SRGAP3: variants seen among roughly 807,000 people sequenced by gnomAD.
SRGAP3 encodes the protein SLIT-ROBO Rho GTPase-activating protein 3.
SRGAP3 carries 39 observed loss-of-function variants against 121.1 expected under a neutral mutation model. That is an observed-to-expected ratio of 0.32 (90% CI 0.25 to 0.42). The LOEUF is 0.42. Ranked by LOEUF, SRGAP3 falls within the 10% of genes least tolerant of loss-of-function variation. The probability of loss-of-function intolerance (pLI) is 1.00; values close to 1 mark genes in which losing one functional copy is unlikely to be tolerated. For missense variants in SRGAP3, 1,213 were observed against 1,470.6 expected (o/e 0.82, Z 2.86); for synonymous variants, 601 against 570.0 (o/e 1.05, Z -0.77).
At chr3:9,069,986 T>C (rs1433310723) in intron 4 of SRGAP3, among the ~76,000 whole-genome samples, 7 of 151,706 alleles carry the variant, frequency 4.6e-5, no homozygotes, top group African/African-American at 1.5e-4. Flanking sequence ...ATAGCAAGAG[T>C]GCTGTCCAAT....
intron 1 of SRGAP3, among the ~76,000 whole-genome samples, chr3:9,167,081 C>T (rs559494844): frequency 6.6e-6 from 1 of 152,278 alleles, no homozygotes; most frequent in South Asian, 2.1e-4. Context: ...CTTCTGCGAA[C>T]CAGCAGCCTT....
rs142364307 is a variant in SRGAP3, at chr3:9,222,073, C to T, written c.67+26812G>A. 3.4e-3 allele frequency among the ~76,000 whole-genome samples: 514 copies of T among 152,328 alleles called. 4 individuals carry two copies. The highest frequency in any genetic ancestry group is 5.5e-3 in the Non-Finnish European group (373 of 68,024). Reference sequence around the variant, plus strand: ...CTTGTCAATCCCATCCCACTGGCCACAGTGACTGGTTCAGGAATGGCCTAG... The same window carrying T: ...CTTGTCAATCCCATCCCACTGGCCATAGTGACTGGTTCAGGAATGGCCTAG... On this transcript the variant is annotated intron_variant, in intron 1 of 21. Coordinates refer to ENST00000383836, the MANE Select transcript of SRGAP3 (RefSeq NM_014850.4).
At chr3:9,291,079 T>C (rs1026388334) in intron 3 of SRGAP3, among the ~76,000 whole-genome samples, 2 of 152,026 alleles carry the variant, frequency 1.3e-5, no homozygotes, top group Admixed American at 1.3e-4. Flanking sequence ...ATAAATAAAA[T>C]ATTAAGAGGA....
chr3:9,088,459 G>A (rs1947593627), intron 3 of SRGAP3, among the ~76,000 whole-genome samples: 1 of 152,160 alleles, frequency 6.6e-6, no homozygotes, highest in African/African-American at 2.4e-5. Context: ...TGTAGCTAAA[G>A]CCAGTTCAGC....
intron 18 of SRGAP3, among the ~76,000 whole-genome samples, chr3:9,008,620 A>C (rs1450683251): frequency 6.6e-6 from 1 of 152,190 alleles, no homozygotes; most frequent in Non-Finnish European, 1.5e-5. Context: ...AGAGAAAAGC[A>C]AATCACCAGG....
intron 10 of SRGAP3, among the ~76,000 whole-genome samples, chr3:9,044,200 C>T (rs1484301303): frequency 1.3e-5 from 2 of 152,182 alleles, no homozygotes; most frequent in Admixed American, 6.5e-5. Context: ...CTTGAGCCAT[C>T]CTGTCAAAAG....
chr3:9,041,128 C>T (rs1944992860), intron 10 of SRGAP3, among the ~76,000 whole-genome samples: 1 of 152,250 alleles, frequency 6.6e-6, no homozygotes, highest in African/African-American at 2.4e-5. Context: ...CACAATTGTA[C>T]ACAGGGTGTC....
intron 1 of SRGAP3, among the ~76,000 whole-genome samples, chr3:9,227,205 C>G (rs78571602): frequency 0.01 from 1,557 of 152,196 alleles, 28 homozygotes; most frequent in African/African-American, 0.036. Flanking sequence ...TTTTTTAACT[C>G]TCTTCATTTT....
intron 18 of SRGAP3, among the ~76,000 whole-genome samples, chr3:8,998,181 C>T (rs1013520722): frequency 2.0e-5 from 3 of 152,160 alleles, no homozygotes; most frequent in Non-Finnish European, 4.4e-5. Context: ...GAGCCACCAC[C>T]CCCAGCTACA....
At chr3:9,103,788 C>T (rs1393984839) in intron 3 of SRGAP3, among the ~76,000 whole-genome samples, 1 of 152,216 alleles carries the variant, frequency 6.6e-6, no homozygotes, top group African/African-American at 2.4e-5. Context: ...CAAACATTTG[C>T]ACAGCACCTT....
intron 2 of SRGAP3, among the ~76,000 whole-genome samples, chr3:9,117,989 A>T (rs1948865617): frequency 6.6e-6 from 1 of 151,802 alleles, no homozygotes; most frequent in Non-Finnish European, 1.5e-5. Flanking sequence ...TTTAAATTTC[A>T]GATGTGGTGG....
At chr3:9,224,049 C>A (rs550723940) in intron 1 of SRGAP3, among the ~76,000 whole-genome samples, 1 of 152,280 alleles carries the variant, frequency 6.6e-6, no homozygotes, top group East Asian at 1.9e-4. Context: ...AACAGACGCC[C>A]CTGCAGAAGA....
At chr3:8,988,179 C>T (rs969589312) in intron 21 of SRGAP3, among the ~76,000 whole-genome samples, 2 of 152,156 alleles carry the variant, frequency 1.3e-5, no homozygotes, top group African/African-American at 4.8e-5. Context: ...GAGTGGGGAC[C>T]GTGATTGCTT....
chr3:9,169,845 G>C (rs1480456864), intron 1 of SRGAP3, among the ~76,000 whole-genome samples: 1 of 152,178 alleles, frequency 6.6e-6, no homozygotes, highest in East Asian at 1.9e-4. Flanking sequence ...ATGGGTTAGG[G>C]GGGAAAAGCC....
chr3:8,982,301 C>G lies in SRGAP3; in HGVS notation c.*3218G>C, dbSNP rs1023414359. On this transcript the variant is annotated 3_prime_UTR_variant, in exon 22 of 22. Transcript: ENST00000383836. ...CATGAAGCAAAGAAAAAAAAATGCC[C>G]GTTGTCAACTAACTGATCAGTACGG... 4 of 227,088 alleles carry G rather than the reference C, an allele frequency of 1.8e-5. No individual in the cohort carries two copies. Among genetic ancestry groups the G allele is most frequent in the African/African-American group, 6.7e-5 (3 of 45,042 alleles). The allele number at this position is 227,088 out of a possible 1,614,324, so 14.1% of individuals were successfully genotyped here.
At chr3:9,025,368 A>G (rs1483768939) in intron 13 of SRGAP3, 30 bp from the exon 14 acceptor site, 2 of 1,611,386 alleles carry the variant, frequency 1.2e-6, no homozygotes, top group South Asian at 2.2e-5. Context: ...AAAAAGAAAT[A>G]GTAAATCCAC....
intron 18 of SRGAP3, among the ~76,000 whole-genome samples, chr3:8,997,088 G>A (rs1056174748): frequency 2.6e-5 from 4 of 152,196 alleles, no homozygotes; most frequent in African/African-American, 9.6e-5. Context: ...CGTTACATAA[G>A]TGTGTGTGGT....
intron 1 of SRGAP3, among the ~76,000 whole-genome samples, chr3:9,164,673 C>A (rs1469002311): frequency 6.6e-6 from 1 of 152,184 alleles, no homozygotes; most frequent in African/African-American, 2.4e-5. Context: ...CATCTGATAT[C>A]ACATGCTAAG....
At chr3:9,258,751 C>T (rs1353161000) in intron 3 of SRGAP3, among the ~76,000 whole-genome samples, 1 of 152,192 alleles carries the variant, frequency 6.6e-6, no homozygotes, top group Non-Finnish European at 1.5e-5. Flanking sequence ...TACTGCCTCC[C>T]TCTAGGGTTA....
Sources: gnomAD v4.1 joint callset for allele counts (sites outside exome capture counted in the v4.1 genomes callset) on GRCh38, gnomAD v4.1.1 for gene constraint, MANE v1.5 for transcripts, NCBI Gene and HGNC (gene_info 2026-07-23, HGNC 2026-07-21) for gene names.